The following TMEM117 variants were observed in gnomAD, a reference collection of about 807,000 sequenced individuals.
TMEM117 encodes the protein transmembrane protein 117.
In TMEM117, 27 loss-of-function variants were observed where a neutral mutation model predicts 52.4. The observed-to-expected ratio is 0.51, with a 90% CI of 0.38 to 0.71. The LOEUF (loss-of-function observed/expected upper bound fraction) is 0.71, where lower values mean the gene tolerates loss of function less well. Ranked by LOEUF, TMEM117 falls within the 30% of genes least tolerant of loss-of-function variation. The pLI is 0.00. For missense variants in TMEM117, 556 were observed against 630.5 expected (o/e 0.88, Z 1.26); for synonymous variants, 215 against 206.3 (o/e 1.04, Z -0.36).
chr12:44,185,314 C>T (rs2138327400), intron 4 of TMEM117, among the ~76,000 whole-genome samples: 2 of 152,208 alleles, frequency 1.3e-5, no homozygotes, highest in South Asian at 4.1e-4. Context: ...TAAGCTGAAT[C>T]AAAATGTTCC....
At chr12:43,813,085 C>T in the TMEM117 span, among the ~76,000 whole-genome samples, 2 of 151,848 alleles carry the variant, frequency 1.3e-5, no homozygotes, top group African/African-American at 4.8e-5. Context: ...TCCCTTCAGG[C>T]TCCCAAGAGC....
chr12:44,297,418 T>C (rs1421218458), intron 5 of TMEM117, among the ~76,000 whole-genome samples: 1 of 152,052 alleles, frequency 6.6e-6, no homozygotes, highest in Non-Finnish European at 1.5e-5. Context: ...GGTACTAGAG[T>C]ACCCTTGTTT....
At chr12:44,045,981 A>G (rs1946875746) in intron 3 of TMEM117, among the ~76,000 whole-genome samples, 1 of 152,242 alleles carries the variant, frequency 6.6e-6, no homozygotes, top group African/African-American at 2.4e-5. Flanking sequence ...CAGAATTACA[A>G]CATGAACTAG....
intron 2 of TMEM117, among the ~76,000 whole-genome samples, chr12:43,902,058 C>T (rs7955615): frequency 0.68 from 103,207 of 152,130 alleles, 40,220 homozygotes; most frequent in East Asian, 0.87. Flanking sequence ...TGTGAAAATA[C>T]GCTGTTTGAT....
the TMEM117 span, among the ~76,000 whole-genome samples, chr12:43,819,816 GGAAA>G: frequency 1.3e-5 from 2 of 151,842 alleles, no homozygotes; most frequent in African/African-American, 2.4e-5. Context: ...GAGAGAGAAA[GGAAA>G]GAAGGAAGGA....
At chr12:44,356,779 C>A (rs1455150996) in intron 6 of TMEM117, among the ~76,000 whole-genome samples, 2 of 152,104 alleles carry the variant, frequency 1.3e-5, no homozygotes, top group Non-Finnish European at 2.9e-5. Flanking sequence ...TCCTATCTTT[C>A]TACCACTGGA....
At chr12:44,083,648 C>T (rs1482623977) in intron 3 of TMEM117, 1 of 152,000 alleles carries the variant, frequency 6.6e-6, no homozygotes, top group East Asian at 1.9e-4. Context: ...AAGCGATTCA[C>T]CTGCCTTGTC....
At chr12:44,181,688 G>T (rs1949201815) in intron 4 of TMEM117, among the ~76,000 whole-genome samples, 1 of 151,566 alleles carries the variant, frequency 6.6e-6, no homozygotes, top group African/African-American at 2.4e-5. Context: ...ATTTCTGAGG[G>T]CTCTGTTCTG....
intron 3 of TMEM117, among the ~76,000 whole-genome samples, chr12:44,129,527 G>A (rs1461272900): frequency 6.6e-6 from 1 of 152,106 alleles, no homozygotes; most frequent in African/African-American, 2.4e-5. Context: ...GAACTACCGG[G>A]AAATTACCAA....
intron 6 of TMEM117, among the ~76,000 whole-genome samples, chr12:44,325,648 C>T (rs1313283720): frequency 1.3e-5 from 2 of 151,832 alleles, no homozygotes; most frequent in Non-Finnish European, 1.5e-5. Flanking sequence ...ACCCCTTTTC[C>T]TGTTATATAT....
intron 3 of TMEM117, among the ~76,000 whole-genome samples, chr12:44,044,199 A>T (rs546763854): frequency 1.3e-5 from 2 of 152,286 alleles, no homozygotes; most frequent in Middle Eastern, 3.4e-3. Context: ...GAGCCCTGTA[A>T]TTGCTCTTCT....
chr12:44,185,756 G>T (rs1381396459), intron 4 of TMEM117, among the ~76,000 whole-genome samples: 1 of 151,910 alleles, frequency 6.6e-6, no homozygotes, highest in East Asian at 1.9e-4. Context: ...CTCTATCATG[G>T]ATTTGGGGTC....
intron 6 of TMEM117, among the ~76,000 whole-genome samples, chr12:44,328,607 A>G (rs717488): frequency 0.038 from 5,842 of 152,174 alleles, 375 homozygotes; most frequent in African/African-American, 0.13. Flanking sequence ...ACTTATAACT[A>G]AAAGATATCT....
chr12:43,844,083 C>A (rs1294533819), intron 1 of TMEM117, among the ~76,000 whole-genome samples: 2 of 152,206 alleles, frequency 1.3e-5, no homozygotes, highest in Non-Finnish European at 2.9e-5. Context: ...CACCTGTAAT[C>A]CCAGCACTTT....
chr12:44,122,757 T>G (rs574863680), intron 3 of TMEM117, among the ~76,000 whole-genome samples: 11 of 152,222 alleles, frequency 7.2e-5, no homozygotes, highest in Admixed American at 2.0e-4. Flanking sequence ...TTCCTTTTTA[T>G]GGTGGCATAG....
intron 6 of TMEM117, among the ~76,000 whole-genome samples, chr12:44,324,687 A>G (rs1951173834): frequency 6.6e-6 from 1 of 152,152 alleles, no homozygotes; most frequent in African/African-American, 2.4e-5. Flanking sequence ...TTTTACAAAA[A>G]TAGAATTATC....
intron 5 of TMEM117, among the ~76,000 whole-genome samples, chr12:44,294,131 C>G (rs780659392): frequency 3.3e-5 from 5 of 152,128 alleles, no homozygotes; most frequent in Non-Finnish European, 7.4e-5. Context: ...ATTCCACTCT[C>G]TCCTGGTTTT....
At chr12:44,301,234 A>G (rs1031886223) in intron 6 of TMEM117, among the ~76,000 whole-genome samples, 1 of 152,214 alleles carries the variant, frequency 6.6e-6, no homozygotes, top group African/African-American at 2.4e-5. Flanking sequence ...TAAGTTCACT[A>G]AAATCAAGGA....
chr12:44,179,693 G>A (rs1949164410), intron 4 of TMEM117, among the ~76,000 whole-genome samples: 1 of 152,132 alleles, frequency 6.6e-6, no homozygotes, highest in South Asian at 2.1e-4. Flanking sequence ...CAGTACCCTC[G>A]CAGACACACC....
Sources: gnomAD v4.1 joint callset for allele counts (sites outside exome capture counted in the v4.1 genomes callset) on GRCh38, gnomAD v4.1.1 for gene constraint, MANE v1.5 for transcripts, NCBI Gene and HGNC (gene_info 2026-07-23, HGNC 2026-07-21) for gene names.